The following PTPRM variants were observed in gnomAD, a reference collection of about 807,000 sequenced individuals.
The protein encoded by PTPRM is protein tyrosine phosphatase receptor type M, also known as receptor-type tyrosine-protein phosphatase mu.
PTPRM carries 47 observed loss-of-function variants against 186.7 expected under a neutral mutation model. That is an observed-to-expected ratio of 0.25 (90% CI 0.20 to 0.32). The LOEUF is 0.32. Ranked by LOEUF, PTPRM falls within the 10% of genes least tolerant of loss-of-function variation. The pLI, the probability that PTPRM is intolerant of heterozygous loss-of-function variation, is 1.00. For synonymous variants in PTPRM, 668 were observed against 674.9 expected, an observed-to-expected ratio of 0.99 and a Z score of 0.16; for missense variants, 1,494 against 1,865.0, an observed-to-expected ratio of 0.80 and a Z score of 3.66.
chr18:7,676,363 C>T (rs2039335722), intron 1 of PTPRM, among the ~76,000 whole-genome samples: 1 of 152,070 alleles, frequency 6.6e-6, no homozygotes, highest in South Asian at 2.1e-4. Context: ...TGGGTGTAAC[C>T]TTCTCTTCTT....
At position 8,285,893 on chromosome 18, in the gene PTPRM, G is replaced by A. The variant is rs188751857; in HGVS notation, c.2755-10475G>A. 6.3e-4 allele frequency among the ~76,000 whole-genome samples: 96 copies of A among 152,268 alleles called. 1 individual carries two copies. Among genetic ancestry groups the A allele is most frequent in the South Asian group, 5.2e-3 (25 of 4,814 alleles). On this transcript the variant is annotated intron_variant, in intron 19 of 32. Transcript: ENST00000580170. The stretch of plus-strand genomic sequence containing the variant: ...TGTAGTCCTAGCTACTCAGGAGGCT[G>A]AGGCAGGAGGATCACTTGAGCTCGG...
chr18:8,076,374 G>A, intron 8 of PTPRM, 81 bp from the exon 9 acceptor site: 3 of 788,256 alleles, frequency 3.8e-6, no homozygotes. Flanking sequence ...TCTCTCAATA[G>A]AAGGTTAAAA....
chr18:7,784,955 G>A (rs1598701156), intron 2 of PTPRM, among the ~76,000 whole-genome samples: 1 of 152,300 alleles, frequency 6.6e-6, no homozygotes, highest in East Asian at 1.9e-4. Context: ...TCCAGGAGGT[G>A]GGAGCACCCA....
At chr18:8,319,931 G>C (rs1037309940) in intron 22 of PTPRM, among the ~76,000 whole-genome samples, 2 of 152,096 alleles carry the variant, frequency 1.3e-5, no homozygotes, top group Non-Finnish European at 2.9e-5. Context: ...GTGGTTTTTG[G>C]GTGATTTTCC....
chr18:7,805,295 C>T (rs938407639), intron 2 of PTPRM, among the ~76,000 whole-genome samples: 9 of 152,190 alleles, frequency 5.9e-5, no homozygotes, highest in African/African-American at 1.9e-4. Context: ...GCTGTGCTGA[C>T]ATCCCACGTT....
intron 2 of PTPRM, among the ~76,000 whole-genome samples, chr18:7,791,059 ATC>A: frequency 6.6e-6 from 1 of 152,306 alleles, no homozygotes; most frequent in Admixed American, 6.5e-5. Flanking sequence ...TTGAAGACTC[ATC>A]TTACAAATGT....
At chr18:7,829,888 T>C (rs1327711080) in intron 2 of PTPRM, among the ~76,000 whole-genome samples, 1 of 152,152 alleles carries the variant, frequency 6.6e-6, no homozygotes, top group East Asian at 1.9e-4. Context: ...TTTTTGTGTG[T>C]GTCAGACATT....
At chr18:7,907,612 G>C (rs768318660) in intron 4 of PTPRM, among the ~76,000 whole-genome samples, 2 of 152,146 alleles carry the variant, frequency 1.3e-5, no homozygotes, top group Non-Finnish European at 2.9e-5. Context: ...CAGGGTGAGC[G>C]AGCTAGATCA....
chr18:8,113,780 T>C, intron 12 of PTPRM, 21 bp downstream of exon 12: 1 of 1,593,100 alleles, frequency 6.3e-7, no homozygotes, highest in Non-Finnish European at 8.6e-7. Flanking sequence ...CAGATAACTG[T>C]TTACTTAGGC....
intron 23 of PTPRM, among the ~76,000 whole-genome samples, chr18:8,343,904 C>G (rs2095489407): frequency 6.6e-6 from 1 of 152,184 alleles, no homozygotes; most frequent in Non-Finnish European, 1.5e-5. Flanking sequence ...GCTCTAGATT[C>G]AATCCTTAGA....
At chr18:7,581,599 TC>T (rs1254757199) in intron 1 of PTPRM, among the ~76,000 whole-genome samples, 1 of 151,958 alleles carries the variant, frequency 6.6e-6, no homozygotes, top group East Asian at 1.9e-4. Flanking sequence ...TAGTTTCAAA[TC>T]TCATCATTTG....
intron 7 of PTPRM, among the ~76,000 whole-genome samples, chr18:7,990,393 C>A (rs1410229140): frequency 1.3e-5 from 2 of 152,120 alleles, no homozygotes; most frequent in African/African-American, 4.8e-5. Context: ...AGGTTATATT[C>A]TCTTAATAAG....
intron 1 of PTPRM, among the ~76,000 whole-genome samples, chr18:7,608,958 T>A (rs2037604862): frequency 6.6e-6 from 1 of 152,122 alleles, no homozygotes; most frequent in Admixed American, 6.5e-5. Flanking sequence ...TGCAGGCTAG[T>A]CCCTGTGCAC....
At chr18:7,677,646 T>A (rs986802116) in intron 1 of PTPRM, among the ~76,000 whole-genome samples, 1 of 152,142 alleles carries the variant, frequency 6.6e-6, no homozygotes, top group Non-Finnish European at 1.5e-5. Context: ...ATGGAGAGCC[T>A]TCTTCCATGA....
intron 2 of PTPRM, among the ~76,000 whole-genome samples, chr18:7,866,482 C>T (rs556900697): frequency 5.4e-4 from 82 of 152,030 alleles, no homozygotes; most frequent in Non-Finnish European, 9.6e-4. Flanking sequence ...TCAGTTTACA[C>T]GTAGTTTTGT....
intron 14 of PTPRM, among the ~76,000 whole-genome samples, chr18:8,206,855 C>G (rs140791199): frequency 4.5e-4 from 69 of 151,956 alleles, no homozygotes; most frequent in African/African-American, 1.6e-3. Context: ...AAGGGGTTGG[C>G]GGGGTGGAAA....
intron 23 of PTPRM, among the ~76,000 whole-genome samples, chr18:8,349,898 T>A (rs1229798258): frequency 6.6e-6 from 1 of 152,174 alleles, no homozygotes; most frequent in Admixed American, 6.5e-5. Flanking sequence ...CACCCTGGTG[T>A]TCACACTGGT....
At chr18:7,774,841 G>C (rs931807600) in intron 2 of PTPRM, among the ~76,000 whole-genome samples, 2 of 152,244 alleles carry the variant, frequency 1.3e-5, no homozygotes, top group Non-Finnish European at 2.9e-5. Context: ...TTTACTTCTT[G>C]TTGGGAGGGA....
Position 7,710,768 on chromosome 18 carries a change from T to C in PTPRM, c.74-63381T>C, listed in dbSNP as rs192873014. Among the ~76,000 whole-genome samples the C allele has an allele frequency of 2.1e-4, 32 of 152,168 alleles. 1 individual carries two copies. The East Asian group carries it at 2.1e-3, about 10-fold the overall frequency. ...ATAGCAACAATGATCAAGCTGAGAA[T>C]AACATCAAGAACTCAATCCCTTTTA... On this transcript the variant is annotated intron_variant, in intron 1 of 32. Coordinates refer to ENST00000580170, the MANE Select transcript of PTPRM (RefSeq NM_001105244.2).
Sources: allele counts gnomAD v4.1 joint callset (sites outside exome capture counted in the v4.1 genomes callset), GRCh38; gene constraint gnomAD v4.1.1; transcripts MANE v1.5; gene names NCBI Gene and HGNC (gene_info 2026-07-23, HGNC 2026-07-21).